The following ABCB4 variants were observed in gnomAD, a reference collection of about 807,000 sequenced individuals.
The protein encoded by ABCB4 is phosphatidylcholine translocator ABCB4.
Under a neutral mutation model 145.7 loss-of-function variants are expected in ABCB4, and 76 were observed. The observed-to-expected ratio is 0.52, with a 90% CI of 0.43 to 0.63. The LOEUF is 0.63. Among genes scored for constraint, ABCB4 ranks in the 30% least tolerant of loss-of-function variants. The probability of loss-of-function intolerance (pLI) is 0.00; values close to 1 mark genes in which losing one functional copy is unlikely to be tolerated. For synonymous variants in ABCB4, 517 were observed against 566.8 expected (o/e 0.91, Z 1.25); for missense variants, 1,234 against 1,553.1 (o/e 0.79, Z 3.45).
intron 12 of ABCB4, 53 bp downstream of exon 12, chr7:87,443,266 G>C (rs1357263357): frequency 5.6e-6 from 9 of 1,612,152 alleles, no homozygotes; most frequent in Non-Finnish European, 3.4e-6. Context: ...AATTTCAAAG[G>C]GCCAATTTGT....
At chr7:87,392,973 T>G in the ABCB4 span, 4 of 1,613,748 alleles carry the variant, frequency 2.5e-6, no homozygotes, top group Non-Finnish European at 3.4e-6. Context: ...TTTTGTTCTC[T>G]CAACAAGTCT....
chr7:87,471,478 C>G (rs758911575), intron 3 of ABCB4, among the ~76,000 whole-genome samples: 17 of 151,524 alleles, frequency 1.1e-4, no homozygotes, highest in Non-Finnish European at 2.4e-4. Context: ...TTAAATTGCC[C>G]TTACTGAGGC....
At chr7:87,461,791 C>T (rs533337049) in intron 4 of ABCB4, among the ~76,000 whole-genome samples, 26 of 152,188 alleles carry the variant, frequency 1.7e-4, no homozygotes, top group African/African-American at 5.5e-4. Flanking sequence ...TTAAACAATC[C>T]TATTCTCTTA....
upstream of ABCB4, among the ~76,000 whole-genome samples, chr7:87,475,921 G>A (rs1264074056): frequency 6.6e-6 from 1 of 152,088 alleles, no homozygotes; most frequent in African/African-American, 2.4e-5. Flanking sequence ...CTGGCGACCC[G>A]CCAGAACCAG....
chr7:87,446,079 T>C (rs1236846436), intron 9 of ABCB4, among the ~76,000 whole-genome samples: 1 of 152,068 alleles, frequency 6.6e-6, no homozygotes, highest in African/African-American at 2.4e-5. Flanking sequence ...AGAGAGAAGA[T>C]GGAAGTGAGA....
intron 11 of ABCB4, 37 bp from the exon 12 acceptor site, chr7:87,443,481 A>T: frequency 6.2e-7 from 1 of 1,613,718 alleles, no homozygotes. Context: ...ACACTTCACA[A>T]CAAAGCCCTA....
chr7:87,403,292 A>T lies in ABCB4; in HGVS notation c.3487-11T>A. On this transcript the variant is annotated splice_polypyrimidine_tract_variant and intron_variant, in intron 26 of 27. Coordinates refer to ENST00000649586, the MANE Select transcript of ABCB4 (RefSeq NM_000443.4). ...TCTTGTTTCATATTTCTGCAAGTTA[A>T]CCAAATTATAAATATGTTGAATGAA... is the stretch of plus-strand genomic sequence containing the variant. 6.2e-7 allele frequency: 1 copy of T among 1,612,294 alleles called. No homozygotes were observed. The highest frequency in any genetic ancestry group is 8.5e-7 in the Non-Finnish European group (1 of 1,178,364).
chr7:87,447,114 A>G lies in ABCB4; in HGVS notation c.925T>C (p.Tyr309His). The G allele has an allele frequency of 6.2e-7, 1 of 1,613,908 alleles. No homozygotes were observed. Among genetic ancestry groups the G allele is most frequent in the Non-Finnish European group, 8.5e-7 (1 of 1,179,808 alleles). ...ISMGIAFLLI[Y>H]ASYALAFWYG... ...CAGAAGGCCAGTGCATATGATGCAT[A>G]TATTAACAGGAAGGCAATACCCATG... Residue 309 changes from tyrosine to histidine, a missense_variant, in exon 9 of 28, where the codon TAT (tyrosine) becomes CAT (histidine). Around this residue, in one of 7 missense-constraint regions of ABCB4, gnomAD observed 467 missense variants for 632.8 expected, o/e 0.74. Coordinates refer to ENST00000649586, the MANE Select transcript of ABCB4 (RefSeq NM_000443.4).
chr7:87,473,840 T>C (rs1813612122), intron 2 of ABCB4, among the ~76,000 whole-genome samples: 1 of 152,152 alleles, frequency 6.6e-6, no homozygotes, highest in South Asian at 2.1e-4. Flanking sequence ...GATTCCAAAT[T>C]ATGTAAAGTA....
chr7:87,368,814 G>A, the ABCB4 span, among the ~76,000 whole-genome samples: 3 of 152,218 alleles, frequency 2.0e-5, no homozygotes, highest in Non-Finnish European at 4.4e-5. Flanking sequence ...TTCTTGGGGA[G>A]TTAAGGTGTG....
the ABCB4 span, chr7:87,375,863 C>CT: frequency 6.2e-7 from 1 of 1,613,522 alleles, no homozygotes; most frequent in Non-Finnish European, 8.5e-7. Flanking sequence ...ATCCAGAGAA[C>CT]TTGGCTTTGT....
chr7:87,467,840 A>C (rs1376373322), intron 3 of ABCB4, among the ~76,000 whole-genome samples: 1 of 152,258 alleles, frequency 6.6e-6, no homozygotes, highest in African/African-American at 2.4e-5. Context: ...ATGTTCTTTG[A>C]AACCAATGAG....
At position 87,409,281 on chromosome 7, in the gene ABCB4, T is replaced by C. The variant is rs1433369366; in HGVS notation, c.3036A>G (p.Glu1012=). 1 of 1,614,110 alleles carries C rather than the reference T, an allele frequency of 6.2e-7. No individual in the cohort carries two copies. Among genetic ancestry groups the C allele is most frequent in the South Asian group, 1.1e-5 (1 of 91,090 alleles). Residue 1012 remains glutamate (E), a synonymous_variant, in exon 24 of 28, where the codon GAA becomes GAG. Coordinates refer to ENST00000649586, the MANE Select transcript of ABCB4 (RefSeq NM_000443.4). The part of the protein sequence containing the change: ...LSAAHLFMLF[E]RQPLIDSYSE... ...TGTAGCTGTCAATCAGAGGTTGTCT[T>C]TCAAACAGCATGAATAAGTGGGCTG...
At chr7:87,382,548 G>A in the ABCB4 span, 3 of 1,606,370 alleles carry the variant, frequency 1.9e-6, no homozygotes, top group Non-Finnish European at 2.5e-6. Flanking sequence ...TGGACAGTAA[G>A]GACCATTCAG....
the ABCB4 span, among the ~76,000 whole-genome samples, chr7:87,370,732 A>G: frequency 6.6e-6 from 1 of 152,142 alleles, no homozygotes; most frequent in African/African-American, 2.4e-5. Context: ...TCCCAGGGGC[A>G]GTCATTTAGG....
chr7:87,383,811 C>G, the ABCB4 span, among the ~76,000 whole-genome samples: 1 of 151,952 alleles, frequency 6.6e-6, no homozygotes, highest in African/African-American at 2.4e-5. Context: ...TTTTCTTTAT[C>G]CATACATCTG....
chr7:87,463,104 C>A (rs573121802), intron 3 of ABCB4, among the ~76,000 whole-genome samples, 196 bp from the exon 4 acceptor site: 2 of 152,182 alleles, frequency 1.3e-5, no homozygotes, highest in African/African-American at 4.8e-5. Flanking sequence ...GTGAAGAAAT[C>A]AATCTAATTA....
intron 3 of ABCB4, among the ~76,000 whole-genome samples, chr7:87,467,569 C>T (rs1336958996): frequency 6.6e-6 from 1 of 152,160 alleles, no homozygotes. Flanking sequence ...CAGAACTCTC[C>T]ACCCCAAATC....
At chr7:87,378,337 C>T in the ABCB4 span, among the ~76,000 whole-genome samples, 134 of 106,048 alleles carry the variant, frequency 1.3e-3, no homozygotes, top group African/African-American at 4.5e-3. Flanking sequence ...CAGACTGAGA[C>T]TCCGACTCCA....
Sources: allele counts gnomAD v4.1 joint callset (sites outside exome capture counted in the v4.1 genomes callset), GRCh38; gene constraint gnomAD v4.1.1; regional missense constraint gnomAD v4.1.1; transcripts MANE v1.5; gene names NCBI Gene and HGNC (gene_info 2026-07-23, HGNC 2026-07-21).